Variants in SUPV3L1 observed in about 807,000 individuals in gnomAD.
SUPV3L1 encodes ATP-dependent RNA helicase SUPV3L1, mitochondrial.
Under a neutral mutation model 70.0 loss-of-function variants are expected in SUPV3L1, and 35 were observed. That is an observed-to-expected ratio of 0.50 (90% CI 0.38 to 0.66). The LOEUF is 0.66. Among genes scored for constraint, SUPV3L1 ranks in the 30% least tolerant of loss-of-function variants. The pLI, the probability that SUPV3L1 is intolerant of heterozygous loss-of-function variation, is 0.00. For missense variants in SUPV3L1, 777 were observed against 961.5 expected (o/e 0.81, Z 2.54); for synonymous variants, 364 against 341.9 (o/e 1.06, Z -0.71).
rs140954030 is a variant in SUPV3L1, at chr10:69,180,309, C to T, written c.18C>T (p.Ala6=). ...CGGCCTCGATGTCCTTCTCCCGTGC[C>T]CTATTGTGGGCTCGGCTCCCGGCGG... is the stretch of plus-strand genomic sequence containing the variant. The part of the protein sequence containing the change: MSFSR[A]LLWARLPAGR... The change falls in exon 1 of 15, where the codon GCC becomes GCT. Residue 6 remains alanine (A), a synonymous_variant. Transcript: ENST00000359655. 9.9e-6 allele frequency: 16 copies of T among 1,613,712 alleles called. No homozygotes were observed. In the Admixed American group the frequency reaches 1.5e-4, roughly 15 times the overall value.
chr10:69,183,494 C>T (rs1461801049), intron 1 of SUPV3L1, among the ~76,000 whole-genome samples: 2 of 152,178 alleles, frequency 1.3e-5, no homozygotes, highest in Non-Finnish European at 2.9e-5. Flanking sequence ...GCTTGGGCAA[C>T]ATGGCAAAAC....
At chr10:69,182,687 C>T in intron 1 of SUPV3L1, 12 of 985,186 alleles carry the variant, frequency 1.2e-5, no homozygotes, top group Non-Finnish European at 1.4e-5. Context: ...TGGGATTGGT[C>T]CAGATGTTGA....
At position 69,189,248 on chromosome 10, in the gene SUPV3L1, T is replaced by G; in HGVS notation, c.573-19T>G. ...TTTTGAGGTTAATGGATTAAGCTGT[T>G]TACCTACTCATGTTTTAGGTACCCA... On this transcript the variant is annotated intron_variant, in intron 4 of 14. Coordinates refer to ENST00000359655, the MANE Select transcript of SUPV3L1 (RefSeq NM_003171.5). The G allele has an allele frequency of 6.2e-7, 1 of 1,609,312 alleles. No individual in the cohort carries two copies. The highest frequency in any genetic ancestry group is 8.5e-7 in the Non-Finnish European group (1 of 1,177,390).
intron 4 of SUPV3L1, 91 bp from the exon 5 acceptor site, chr10:69,189,176 A>C: frequency 7.4e-7 from 1 of 1,347,402 alleles, no homozygotes; most frequent in South Asian, 1.5e-5. Flanking sequence ...CATTAAGAGG[A>C]TATTTCATTT....
At position 69,208,949 on chromosome 10, in the gene SUPV3L1, C is replaced by T. The variant is rs1382871386; in HGVS notation, c.2275C>T (p.Gln759Ter). 1.5e-5 allele frequency: 25 copies of T among 1,613,730 alleles called. No individual in the cohort carries two copies. Among genetic ancestry groups the T allele is most frequent in the Non-Finnish European group, 2.0e-5 (24 of 1,179,976 alleles). Residue 759 changes from glutamine (Q) to a stop codon, truncating the protein, a stop_gained, in exon 15 of 15, where the codon CAA (glutamine) becomes TAA (stop). Transcript: ENST00000359655. LOFTEE classifies it low-confidence loss of function (END_TRUNC). ...KQLEKEWMTQ[Q>*]TEHNKEKTES... ...GCTAGAAAAAGAGTGGATGACACAA[C>T]AAACTGAACACAACAAAGAAAAAAC...
At chr10:69,205,669 G>A (rs1369870486) in intron 13 of SUPV3L1, among the ~76,000 whole-genome samples, 3 of 152,152 alleles carry the variant, frequency 2.0e-5, no homozygotes, top group African/African-American at 7.2e-5. Flanking sequence ...GAGTAGCTGG[G>A]ATTACAGGTG....
In SUPV3L1 at chr10:69,199,209, G is replaced by A. The variant is rs1466630611; in HGVS notation, c.1298+12G>A. On this transcript the variant is annotated intron_variant, in intron 10 of 14. Transcript: ENST00000359655. ...ATGGGACTTAATTTGTAAGTAATTT[G>A]TTTTTAATAAGATGAATATTTGGTG... 1.3e-6 allele frequency: 2 copies of A among 1,592,798 alleles called. No individual in the cohort carries two copies. The highest frequency in any genetic ancestry group is 1.7e-6 in the Non-Finnish European group (2 of 1,169,862).
Position 69,200,321 on chromosome 10 carries a change from G to C in SUPV3L1, c.1340G>C (p.Ser447Thr), listed in dbSNP as rs754068044. 6.2e-7 allele frequency: 1 copy of C among 1,613,946 alleles called. No individual in the cohort carries two copies. The highest frequency in any genetic ancestry group is 8.5e-7 in the Non-Finnish European group (1 of 1,180,016). Reference protein sequence around the residue: ...RIIFYSLIKPSINEKGERELE... With the variant: ...RIIFYSLIKPTINEKGERELE... ...ATTTTTTACTCCCTTATAAAGCCCAGTATCAATGAAAAGGGAGAGAGAGAA... is the reference window on the plus strand; with the variant it reads ...ATTTTTTACTCCCTTATAAAGCCCACTATCAATGAAAAGGGAGAGAGAGAA... The change falls in exon 11 of 15, where the codon AGT becomes ACT. Residue 447 changes from serine to threonine, a missense_variant. Ser to Thr is a moderately conservative substitution (Grantham distance 58). Transcript: ENST00000359655.
chr10:69,203,637 C>G (rs1379746059), intron 13 of SUPV3L1, among the ~76,000 whole-genome samples: 2 of 142,268 alleles, frequency 1.4e-5, no homozygotes, highest in South Asian at 2.3e-4. Flanking sequence ...GCACTCCAGC[C>G]TGGGTGACAG....
chr10:69,198,193 G>T (rs554382704), intron 8 of SUPV3L1, among the ~76,000 whole-genome samples, 179 bp from the exon 9 acceptor site: 15 of 152,290 alleles, frequency 9.8e-5, no homozygotes, highest in Admixed American at 4.6e-4. Flanking sequence ...ATGCCAATGA[G>T]AAGTGATGGT....
rs375305696 is a variant in SUPV3L1, at chr10:69,198,650, A to G, written c.1204+98A>G. Reference sequence around the variant, plus strand: ...AAAAATGGTAAACAATATTGAATTAAGCTGCTTGATGTATTGGTAATTTGT... The same window carrying G: ...AAAAATGGTAAACAATATTGAATTAGGCTGCTTGATGTATTGGTAATTTGT... On this transcript the variant is annotated intron_variant, in intron 9 of 14. Transcript: ENST00000359655. 5 of 1,177,248 alleles carry G rather than the reference A, an allele frequency of 4.2e-6. No homozygotes were observed. The African/African-American group carries it at 6.3e-5, about 15-fold the overall frequency. The allele number at this position is 1,177,248 out of a possible 1,614,324, so 72.9% of individuals were successfully genotyped here.
chr10:69,204,991 G>A (rs987442404), intron 13 of SUPV3L1, among the ~76,000 whole-genome samples: 8 of 152,112 alleles, frequency 5.3e-5, no homozygotes, highest in African/African-American at 1.7e-4. Flanking sequence ...GGCTGGTCAC[G>A]AACTCCTGAG....
At chr10:69,183,109 G>C (rs939362741) in intron 1 of SUPV3L1, among the ~76,000 whole-genome samples, 1 of 152,130 alleles carries the variant, frequency 6.6e-6, no homozygotes, top group African/African-American at 2.4e-5. Context: ...CCCTCAGCCT[G>C]CTCCTGCAGG....
chr10:69,194,497 G>A (rs1459301110), intron 6 of SUPV3L1, among the ~76,000 whole-genome samples: 1 of 151,882 alleles, frequency 6.6e-6, no homozygotes, highest in African/African-American at 2.4e-5. Context: ...GACTACAGGC[G>A]CACGCCACCA....
Position 69,180,258 on chromosome 10 carries a change from G to A in SUPV3L1, c.-34G>A. 1 of 1,590,584 alleles carries A rather than the reference G, an allele frequency of 6.3e-7. No homozygotes were observed. The highest frequency in any genetic ancestry group is 8.6e-7 in the Non-Finnish European group (1 of 1,166,132). On this transcript the variant is annotated 5_prime_UTR_variant, in exon 1 of 15. Transcript: ENST00000359655. ...CGTCACTGTCCGCCGCCGTGTCCGC[G>A]GCTGCGCCAGACAGTGTAGAACCTG...
At chr10:69,202,127 CCA>C (rs1159938564) in intron 11 of SUPV3L1, among the ~76,000 whole-genome samples, 1 of 152,190 alleles carries the variant, frequency 6.6e-6, no homozygotes, top group African/African-American at 2.4e-5. Context: ...GCATGAGCCA[CCA>C]CACCCAGCCC....
chr10:69,197,594 A>G (rs1842573836), intron 8 of SUPV3L1, among the ~76,000 whole-genome samples: 2 of 152,000 alleles, frequency 1.3e-5, no homozygotes. Flanking sequence ...TTTTGAGACA[A>G]GGTCTCACTC....
intron 1 of SUPV3L1, among the ~76,000 whole-genome samples, chr10:69,180,903 C>T (rs1311100729): frequency 6.6e-6 from 1 of 152,138 alleles, no homozygotes; most frequent in African/African-American, 2.4e-5. Flanking sequence ...CTCCCACCCC[C>T]GAATGGGATG....
At chr10:69,184,664 G>A (rs1256704473) in intron 1 of SUPV3L1, among the ~76,000 whole-genome samples, 2 of 139,508 alleles carry the variant, frequency 1.4e-5, no homozygotes, top group Admixed American at 7.0e-5. Flanking sequence ...GTGTGTGTAT[G>A]TGTATCTCAT....
Sources: gnomAD v4.1 joint callset for allele counts (sites outside exome capture counted in the v4.1 genomes callset) on GRCh38, gnomAD v4.1.1 for gene constraint, MANE v1.5 for transcripts, NCBI Gene and HGNC (gene_info 2026-07-23, HGNC 2026-07-21) for gene names.